ATP6V1E1: variants seen among roughly 807,000 people sequenced by gnomAD.
ATP6V1E1 encodes the protein ATPase H+ transporting V1 subunit E1.
In ATP6V1E1, 21 loss-of-function variants were observed where a neutral mutation model predicts 35.2. The ratio of observed to expected loss-of-function variants is 0.60; its 90% confidence interval spans 0.42 to 0.86. The LOEUF is 0.86. ATP6V1E1 is among the 40% of genes least tolerant of loss of function. ATP6V1E1 has a pLI of 0.00. For missense variants in ATP6V1E1, 183 were observed against 272.6 expected (o/e 0.67, Z 2.32); for synonymous variants, 83 against 87.8 (o/e 0.95, Z 0.30).
intron 4 of ATP6V1E1, among the ~76,000 whole-genome samples, chr22:17,608,803 T>C (rs1246935404): frequency 2.6e-5 from 4 of 152,126 alleles, no homozygotes; most frequent in South Asian, 2.1e-4. Flanking sequence ...AACACATTCA[T>C]TGGCCGGGAG....
intron 2 of ATP6V1E1, among the ~76,000 whole-genome samples, chr22:17,613,975 A>C (rs950508189): frequency 3.9e-5 from 6 of 152,050 alleles, no homozygotes; most frequent in Middle Eastern, 6.8e-3. Flanking sequence ...TCAAAAAAAA[A>C]CAAAGATCCA....
intron 7 of ATP6V1E1, 191 bp from the exon 8 acceptor site, chr22:17,594,807 C>T (rs1010643680): frequency 1.9e-5 from 8 of 421,576 alleles, no homozygotes; most frequent in Admixed American, 4.3e-5. Context: ...CCCCAGTCCC[C>T]GCCTAGATGT....
intron 1 of ATP6V1E1, among the ~76,000 whole-genome samples, chr22:17,620,083 C>A (rs1273476184): frequency 6.6e-6 from 1 of 152,072 alleles, no homozygotes; most frequent in Non-Finnish European, 1.5e-5. Flanking sequence ...TCTCCTCGCC[C>A]CTTGATCTTG....
intron 4 of ATP6V1E1, among the ~76,000 whole-genome samples, chr22:17,605,107 A>G (rs1293031482): frequency 6.9e-6 from 1 of 145,306 alleles, no homozygotes; most frequent in Non-Finnish European, 1.5e-5. Context: ...GGGGAGGCTG[A>G]GGCAGGAGAA....
At chr22:17,622,961 C>T (rs752919322) in intron 1 of ATP6V1E1, among the ~76,000 whole-genome samples, 1 of 151,808 alleles carries the variant, frequency 6.6e-6, no homozygotes, top group Non-Finnish European at 1.5e-5. Context: ...AGCGAAACTC[C>T]GTCTCAAAAA....
Position 17,601,267 on chromosome 22 carries a change from C to T in ATP6V1E1, c.277-86G>A, listed in dbSNP as rs3747023. ...CTGTGAGGCTGATCCTGGCTCATGC[C>T]CAGCTGCCTCACATTTTATTGCTGG... On this transcript the variant is annotated intron_variant, in intron 4 of 8. Transcript: ENST00000253413. 339,299 of 1,018,054 alleles carry T rather than the reference C, an allele frequency of 0.33. 58,349 individuals are homozygous for T. Among genetic ancestry groups the T allele is most frequent in the African/African-American group, 0.41 (25,290 of 61,964 alleles). 63.1% of individuals were successfully genotyped at this position (1,018,054 alleles called of 1,614,324 possible). A position where few individuals can be genotyped will look rare whatever the true frequency, so the allele number is the denominator to read the frequency against.
intron 4 of ATP6V1E1, 71 bp from the exon 5 acceptor site, chr22:17,601,252 G>A: frequency 7.9e-7 from 1 of 1,265,076 alleles, no homozygotes; most frequent in South Asian, 1.3e-5. Flanking sequence ...CTGTGAGGCT[G>A]ATCCTGGCTC....
intron 6 of ATP6V1E1, among the ~76,000 whole-genome samples, chr22:17,599,466 C>T (rs2057750362): frequency 6.8e-6 from 1 of 147,376 alleles, no homozygotes; most frequent in Non-Finnish European, 1.5e-5. Flanking sequence ...ATCCCAGCTA[C>T]TTGGGAGGCT....
chr22:17,597,763 T>A (rs553281822), intron 7 of ATP6V1E1, among the ~76,000 whole-genome samples: 1 of 152,184 alleles, frequency 6.6e-6, no homozygotes, highest in East Asian at 1.9e-4. Flanking sequence ...CCTGGGTAGC[T>A]GGGACTACAG....
chr22:17,612,879 C>A lies in ATP6V1E1; in HGVS notation c.210-1G>T, dbSNP rs112263890. ...TTGATTCATCAAATTGGACATCTGA[C>A]TGCAAAACGGTATTGAAAAATAGCA... is the stretch of plus-strand genomic sequence containing the variant. On this transcript the variant is annotated splice_acceptor_variant, in intron 3 of 8. Transcript: ENST00000253413. LOFTEE classifies it high-confidence loss of function. 1 of 1,606,146 alleles carries A rather than the reference C, an allele frequency of 6.2e-7. No homozygotes were observed. The highest frequency in any genetic ancestry group is 8.5e-7 in the Non-Finnish European group (1 of 1,178,246).
chr22:17,609,841 T>C (rs1306029113), intron 4 of ATP6V1E1, among the ~76,000 whole-genome samples: 6 of 152,118 alleles, frequency 3.9e-5, no homozygotes, highest in Non-Finnish European at 7.4e-5. Flanking sequence ...GTTACTAAAA[T>C]GTAAAATAAC....
Position 17,592,457 on chromosome 22 carries a change from A to G in ATP6V1E1, c.*217T>C. 1 of 555,992 alleles carries G rather than the reference A, an allele frequency of 1.8e-6. No homozygotes were observed. Among genetic ancestry groups the G allele is most frequent in the East Asian group, 3.1e-5 (1 of 32,148 alleles). The allele number at this position is 555,992 out of a possible 1,614,324, so 34.4% of individuals were successfully genotyped here. A position where few individuals can be genotyped will look rare whatever the true frequency, so the allele number is the denominator to read the frequency against. ...ACCGGCTGGACACTGTCACACTTTC[A>G]GAAGAACTGGAGGTGGGTCCTGATC... On this transcript the variant is annotated 3_prime_UTR_variant, in exon 9 of 9. Coordinates refer to ENST00000253413, the MANE Select transcript of ATP6V1E1 (RefSeq NM_001696.4).
chr22:17,624,359 G>T (rs2057893037), intron 1 of ATP6V1E1, among the ~76,000 whole-genome samples: 2 of 152,116 alleles, frequency 1.3e-5, no homozygotes, highest in South Asian at 4.1e-4. Context: ...TTCGAGACCA[G>T]CCTGGCCAAC....
Position 17,601,160 on chromosome 22 carries a change from G to C in ATP6V1E1, c.298C>G (p.Gln100Glu). The C allele has an allele frequency of 2.5e-6, 4 of 1,613,618 alleles. No individual in the cohort carries two copies. The highest frequency in any genetic ancestry group is 2.5e-6 in the Non-Finnish European group (3 of 1,179,688). Residue 100 changes from glutamine to glutamate, a missense_variant, in exon 5 of 9, where the codon CAG (glutamine) becomes GAG (glutamate). Transcript: ENST00000253413. ...LITDLLNEAKQRLSKVVKDTT... is the reference protein window; with the variant it reads ...LITDLLNEAKERLSKVVKDTT... ...TCTTTTACCACCTTGCTGAGTCTCT[G>C]TTTTGCTTCATTTAGTAGGTCCTAC...
At chr22:17,602,130 C>A (rs1227490044) in intron 4 of ATP6V1E1, among the ~76,000 whole-genome samples, 1 of 152,136 alleles carries the variant, frequency 6.6e-6, no homozygotes, top group Non-Finnish European at 1.5e-5. Context: ...TGCTCTTGAA[C>A]TCCTGGCCTC....
intron 2 of ATP6V1E1, among the ~76,000 whole-genome samples, chr22:17,616,128 A>G (rs1601390308): frequency 6.7e-6 from 1 of 149,826 alleles, no homozygotes; most frequent in South Asian, 2.1e-4. Context: ...CTGGAGGATC[A>G]TGAGGTCAGG....
intron 1 of ATP6V1E1, among the ~76,000 whole-genome samples, chr22:17,625,432 A>T (rs941957854): frequency 1.4e-5 from 2 of 145,950 alleles, no homozygotes; most frequent in Non-Finnish European, 3.1e-5. Flanking sequence ...CTAATTTTGA[A>T]TTTTAGTAGA....
chr22:17,601,968 A>G (rs2057764247), intron 4 of ATP6V1E1, among the ~76,000 whole-genome samples: 1 of 151,878 alleles, frequency 6.6e-6, no homozygotes, highest in South Asian at 2.1e-4. Flanking sequence ...GCAGTGATAC[A>G]ATCATGGCTC....
chr22:17,621,377 C>A (rs970848627), intron 1 of ATP6V1E1, among the ~76,000 whole-genome samples: 1 of 152,110 alleles, frequency 6.6e-6, no homozygotes, highest in Non-Finnish European at 1.5e-5. Flanking sequence ...TGGCACAATC[C>A]CGCCTCATTT....
Sources: allele counts gnomAD v4.1 joint callset (sites outside exome capture counted in the v4.1 genomes callset), GRCh38; gene constraint gnomAD v4.1.1; transcripts MANE v1.5; gene names NCBI Gene and HGNC (gene_info 2026-07-23, HGNC 2026-07-21).